The following GABRA5 variants were observed in gnomAD, a reference collection of about 807,000 sequenced individuals.
GABRA5 encodes the protein gamma-aminobutyric acid receptor subunit alpha-5.
Under a neutral mutation model 47.3 loss-of-function variants are expected in GABRA5, and 18 were observed. That is an observed-to-expected ratio of 0.38 (90% CI 0.26 to 0.56). The LOEUF (loss-of-function observed/expected upper bound fraction) is 0.56. Ranked by LOEUF, GABRA5 falls within the 20% of genes least tolerant of loss-of-function variation. The pLI is 0.71. For missense variants in GABRA5, 365 were observed against 599.3 expected (o/e 0.61, Z 4.08); for synonymous variants, 237 against 229.3 (o/e 1.03, Z -0.30).
intron 8 of GABRA5, chr15:26,939,462 A>T (rs1230581084): frequency 1.3e-6 from 1 of 756,766 alleles, no homozygotes; most frequent in Non-Finnish European, 2.4e-6. Context: ...CGACACAGCC[A>T]GCACAGGGCC....
intron 6 of GABRA5, among the ~76,000 whole-genome samples, chr15:26,912,169 A>G (rs78787728): frequency 0.024 from 3,705 of 152,272 alleles, 185 homozygotes; most frequent in East Asian, 0.2. Context: ...CTAAACTCCC[A>G]CAGTGCTGTT....
intron 3 of GABRA5, among the ~76,000 whole-genome samples, chr15:26,878,675 G>A (rs1892655802): frequency 6.6e-6 from 1 of 152,148 alleles, no homozygotes; most frequent in Non-Finnish European, 1.5e-5. Context: ...TACAGATAAA[G>A]GCAAAAGGCA....
At position 26,883,310 on chromosome 15, in the gene GABRA5, A is replaced by T; in HGVS notation, c.277-27A>T. On this transcript the variant is annotated intron_variant, in intron 5 of 10. Coordinates refer to ENST00000335625, the MANE Select transcript of GABRA5 (RefSeq NM_000810.4). This position sits in a 1 kb window ranked among gnomAD's most constrained non-coding sequence, Gnocchi z 4.8. ...CCCCGCCCAGGCCCCGTGCCCTCTG[A>T]CTGCCTCGTGCCTTCCTTTCCACTA... 1 of 1,612,932 alleles carries T rather than the reference A, an allele frequency of 6.2e-7. No individual in the cohort carries two copies. The highest frequency in any genetic ancestry group is 1.1e-5 in the South Asian group (1 of 91,068).
At chr15:26,909,670 T>C (rs1893532307) in intron 6 of GABRA5, among the ~76,000 whole-genome samples, 1 of 152,216 alleles carries the variant, frequency 6.6e-6, no homozygotes. Context: ...TCACATGTTT[T>C]TCTCTGAATC....
In GABRA5 at chr15:26,937,188, C is replaced by T. The variant is rs776753706; in HGVS notation, c.584C>T (p.Ala195Val). The change falls in exon 8 of 11, where the codon GCG (alanine) becomes GTG (valine). Residue 195 changes from alanine (A) to valine (V), a missense_variant. This residue lies in a region of GABRA5 where 216 missense variants were observed against 335.3 expected (regional missense o/e 0.64). Transcript: ENST00000335625. The stretch of plus-strand genomic sequence containing the variant: ...TTTCTGCCCCCTCCTCATACAGATG[C>T]GTACCCTAATTCTGAAGTCGTTTAC... ...HACPLKFGSY[A>V]YPNSEVVYVW... 6.2e-6 allele frequency: 10 copies of T among 1,613,916 alleles called. No homozygotes were observed. The highest frequency in any genetic ancestry group is 2.2e-5 in the South Asian group (2 of 91,074).
intron 6 of GABRA5, among the ~76,000 whole-genome samples, chr15:26,887,626 AC>A (rs1369837172): frequency 6.6e-6 from 1 of 152,172 alleles, no homozygotes; most frequent in Non-Finnish European, 1.5e-5. Flanking sequence ...TGCTGGGATT[AC>A]AGGTGTGAGC....
chr15:26,878,408 T>A (rs1031325978), intron 3 of GABRA5, among the ~76,000 whole-genome samples: 2 of 152,184 alleles, frequency 1.3e-5, no homozygotes, highest in Non-Finnish European at 2.9e-5. Context: ...TCTCCATGGC[T>A]GTGAAAGCGG....
At chr15:26,896,106 C>T (rs1893187460) in intron 6 of GABRA5, among the ~76,000 whole-genome samples, 1 of 152,198 alleles carries the variant, frequency 6.6e-6, no homozygotes, top group Admixed American at 6.5e-5. Context: ...GCTCCTTTGC[C>T]CGACATCATA....
chr15:26,933,684 G>C (rs2140572345), intron 7 of GABRA5, among the ~76,000 whole-genome samples: 1 of 152,222 alleles, frequency 6.6e-6, no homozygotes, highest in African/African-American at 2.4e-5. Flanking sequence ...TATCTTCACT[G>C]GTACCTGGGC....
At chr15:26,913,863 T>C (rs1274123434) in intron 6 of GABRA5, among the ~76,000 whole-genome samples, 1 of 152,162 alleles carries the variant, frequency 6.6e-6, no homozygotes, top group Non-Finnish European at 1.5e-5. Context: ...TTCAGGGACC[T>C]CTGCAGCCAG....
chr15:26,933,833 A>G (rs1180121814), intron 7 of GABRA5, among the ~76,000 whole-genome samples: 1 of 152,208 alleles, frequency 6.6e-6, no homozygotes, highest in Non-Finnish European at 1.5e-5. Flanking sequence ...GGTGTCCAGT[A>G]GGCCATCAGA....
At position 26,900,309 on chromosome 15, in the gene GABRA5, AT is replaced by A. The variant is rs541731521; in HGVS notation, c.498-14487del. Among the ~76,000 whole-genome samples the A allele has an allele frequency of 2.0e-3, 309 of 152,142 alleles. 4 individuals carry two copies. The highest frequency in any genetic ancestry group is 0.018 in the East Asian group (92 of 5,180). ...TTATGCATTATTAAATAATTATACA[AT>A]TTTTTTGTATTTAAAGTCATATGGG... On this transcript the variant is annotated intron_variant, in intron 6 of 10. Transcript: ENST00000335625.
intron 10 of GABRA5, 99 bp downstream of exon 10, chr15:26,943,525 C>G: frequency 9.4e-7 from 1 of 1,066,816 alleles, no homozygotes; most frequent in Non-Finnish European, 1.4e-6. Context: ...CCTTCCTACC[C>G]GCCAGCCCCC....
At chr15:26,877,645 C>A (rs184035706) in intron 3 of GABRA5, 1 of 455,372 alleles carries the variant, frequency 2.2e-6, no homozygotes, top group East Asian at 7.0e-5. Context: ...AATGACAATA[C>A]CGAAAAGATT....
intron 6 of GABRA5, among the ~76,000 whole-genome samples, chr15:26,895,985 G>A (rs138121560): frequency 1.3e-5 from 2 of 151,836 alleles, no homozygotes; most frequent in African/African-American, 4.8e-5. Context: ...ACAGTGGTCC[G>A]GATCCCCTTC....
At position 26,925,803 on chromosome 15, in the gene GABRA5, T is replaced by C. The variant is rs1308798125; in HGVS notation, c.580+10918T>C. The stretch of plus-strand genomic sequence containing the variant: ...GTGTTCATTTTTATTTATTTGTTTT[T>C]AAGCCAGTTAACTTGGCTGAGTGTG... On this transcript the variant is annotated intron_variant, in intron 7 of 10. Coordinates refer to ENST00000335625, the MANE Select transcript of GABRA5 (RefSeq NM_000810.4). Among the ~76,000 whole-genome samples, 3 of 152,252 alleles carry C rather than the reference T, an allele frequency of 2.0e-5. No individual in the cohort carries two copies. In the East Asian group the frequency reaches 5.8e-4, roughly 29 times the overall value.
At chr15:26,940,165 T>C (rs917493258) in intron 9 of GABRA5, 88 bp downstream of exon 9, 4 of 1,132,238 alleles carry the variant, frequency 3.5e-6, no homozygotes, top group Non-Finnish European at 5.1e-6. Flanking sequence ...TCCACGAAAC[T>C]TCTAGTGCTG....
chr15:26,914,223 T>C (rs1214005446), intron 6 of GABRA5, among the ~76,000 whole-genome samples: 1 of 151,992 alleles, frequency 6.6e-6, no homozygotes, highest in East Asian at 2.0e-4. Flanking sequence ...TCACTTACTA[T>C]ACAGTTTCAT....
intron 6 of GABRA5, among the ~76,000 whole-genome samples, chr15:26,889,372 CT>C (rs111749908): frequency 0.082 from 11,907 of 144,914 alleles, 706 homozygotes; most frequent in African/African-American, 0.17. Context: ...GAGCCACTGT[CT>C]TTTTTTTTTT....
Sources: gnomAD v4.1 joint callset for allele counts (sites outside exome capture counted in the v4.1 genomes callset) on GRCh38, gnomAD v4.1.1 for gene constraint, gnomAD v4.1.1 regional missense constraint, Gnocchi (gnomAD v3.1) non-coding constraint, MANE v1.5 for transcripts, NCBI Gene and HGNC (gene_info 2026-07-23, HGNC 2026-07-21) for gene names.